CLDN10: variants seen among roughly 807,000 people sequenced by gnomAD.
CLDN10 encodes the protein claudin 10.
CLDN10 carries 15 observed loss-of-function variants against 22.9 expected under a neutral mutation model. That is an observed-to-expected ratio of 0.65 (90% CI 0.44 to 1.01). The LOEUF (loss-of-function observed/expected upper bound fraction) is 1.01, where lower values mean the gene tolerates loss of function less well. Among genes scored for constraint, CLDN10 ranks in the 50% least tolerant of loss-of-function variants. The pLI is 0.00. For missense variants in CLDN10, 247 were observed against 287.8 expected (o/e 0.86, Z 1.03); for synonymous variants, 114 against 111.4 (o/e 1.02, Z -0.15).
intron 1 of CLDN10, among the ~76,000 whole-genome samples, chr13:95,485,926 G>C (rs1438135078): frequency 6.6e-6 from 1 of 152,174 alleles, no homozygotes; most frequent in Non-Finnish European, 1.5e-5. Context: ...ATAAGGAAAA[G>C]CTGTCCAGAA....
intron 1 of CLDN10, among the ~76,000 whole-genome samples, chr13:95,499,887 A>C (rs2042967125): frequency 6.6e-6 from 1 of 152,196 alleles, no homozygotes. Flanking sequence ...GGCCACACAT[A>C]AAATACATGA....
intron 1 of CLDN10, among the ~76,000 whole-genome samples, chr13:95,490,479 C>A (rs2042861363): frequency 1.3e-5 from 2 of 152,140 alleles, no homozygotes; most frequent in Non-Finnish European, 2.9e-5. Flanking sequence ...TATTGTCATT[C>A]AGTTCAAAGA....
chr13:95,434,426 CCTCT>C (rs56066236), intron 1 of CLDN10, among the ~76,000 whole-genome samples: 24 of 147,398 alleles, frequency 1.6e-4, no homozygotes, highest in Admixed American at 2.7e-4. Flanking sequence ...TCCCTCTCTT[CCTCT>C]CTCTCTCTCT....
At chr13:95,468,973 T>C (rs2042604788) in intron 1 of CLDN10, among the ~76,000 whole-genome samples, 1 of 152,170 alleles carries the variant, frequency 6.6e-6, no homozygotes, top group Non-Finnish European at 1.5e-5. Context: ...AATAATGTAA[T>C]TTATTTTTCT....
intron 1 of CLDN10, among the ~76,000 whole-genome samples, chr13:95,538,153 CTTTTTTTTTT>C (rs1176533524): frequency 3.9e-4 from 26 of 66,802 alleles, no homozygotes; most frequent in Non-Finnish European, 4.7e-4. Context: ...CTGTTTATTT[CTTTTTTTTTT>C]TTTTTTTTTT....
At chr13:95,478,494 T>A (rs576688840) in intron 1 of CLDN10, among the ~76,000 whole-genome samples, 12 of 152,342 alleles carry the variant, frequency 7.9e-5, no homozygotes, top group African/African-American at 2.9e-4. Context: ...TATAATGTGC[T>A]GTACCAGGAC....
At chr13:95,460,305 G>A (rs1321224022) in intron 1 of CLDN10, among the ~76,000 whole-genome samples, 1 of 151,966 alleles carries the variant, frequency 6.6e-6, no homozygotes, top group Non-Finnish European at 1.5e-5. Context: ...CACATTTACA[G>A]GTATCTTTAT....
intron 1 of CLDN10, among the ~76,000 whole-genome samples, chr13:95,471,440 C>CATATATATATATAT (rs1555289814): frequency 9.6e-6 from 1 of 104,378 alleles, no homozygotes; most frequent in Non-Finnish European, 1.9e-5. Context: ...CACACACACA[C>CATATATATATATAT]ATATATATAT....
intron 1 of CLDN10, among the ~76,000 whole-genome samples, chr13:95,508,440 C>T (rs2043060642): frequency 6.6e-6 from 1 of 152,156 alleles, no homozygotes; most frequent in South Asian, 2.1e-4. Context: ...TCATATGTAC[C>T]CCTGTATTCT....
chr13:95,567,396 G>C (rs1409741827), intron 3 of CLDN10, among the ~76,000 whole-genome samples: 1 of 152,182 alleles, frequency 6.6e-6, no homozygotes, highest in African/African-American at 2.4e-5. Context: ...GTGAATGGGA[G>C]TTCACTCATG....
At chr13:95,454,922 C>T (rs1320021106) in intron 1 of CLDN10, among the ~76,000 whole-genome samples, 2 of 152,148 alleles carry the variant, frequency 1.3e-5, no homozygotes, top group Non-Finnish European at 1.5e-5. Flanking sequence ...CGTGGTGGCT[C>T]ATGCCTACAA....
At chr13:95,546,532 C>G (rs2043511312) in intron 1 of CLDN10, among the ~76,000 whole-genome samples, 1 of 152,140 alleles carries the variant, frequency 6.6e-6, no homozygotes, top group African/African-American at 2.4e-5. Context: ...AAATGAAGCA[C>G]TAGCTTATAG....
intron 1 of CLDN10, among the ~76,000 whole-genome samples, 184 bp from the exon 2 acceptor site, chr13:95,559,948 T>A (rs1050253701): frequency 7.9e-5 from 12 of 152,232 alleles, no homozygotes; most frequent in Admixed American, 3.3e-4. Context: ...TCACAGTGTG[T>A]GACCTAGAAT....
intron 3 of CLDN10, among the ~76,000 whole-genome samples, chr13:95,562,044 C>T (rs930234610): frequency 6.6e-6 from 1 of 151,948 alleles, no homozygotes; most frequent in Admixed American, 6.6e-5. Context: ...ATTCTCTTGC[C>T]TCAGCCTCCT....
intron 1 of CLDN10, chr13:95,479,784 C>T (rs2042724309): frequency 6.6e-6 from 1 of 152,320 alleles, no homozygotes; most frequent in East Asian, 1.9e-4. Context: ...AGGGTTTGAA[C>T]CCACATTGGC....
intron 1 of CLDN10, among the ~76,000 whole-genome samples, chr13:95,521,014 AT>A (rs1246974092): frequency 3.3e-5 from 5 of 152,134 alleles, no homozygotes; most frequent in Admixed American, 6.5e-5. Context: ...AATTCAATTA[AT>A]TTTTATATGT....
At chr13:95,436,277 G>A (rs555852116) in intron 1 of CLDN10, among the ~76,000 whole-genome samples, 91 of 152,102 alleles carry the variant, frequency 6.0e-4, no homozygotes, top group South Asian at 2.1e-4. Context: ...TCCACCTCCC[G>A]GGTTCAAGTG....
intron 1 of CLDN10, among the ~76,000 whole-genome samples, chr13:95,471,349 T>A (rs916924718): frequency 1.5e-5 from 2 of 131,628 alleles, no homozygotes; most frequent in African/African-American, 5.7e-5. Context: ...CTCTGACTTA[T>A]GGATATATAT....
chr13:95,533,400 A>C (rs181272869), intron 1 of CLDN10, among the ~76,000 whole-genome samples: 68 of 152,290 alleles, frequency 4.5e-4, no homozygotes, highest in African/African-American at 1.6e-3. Flanking sequence ...TGGGGAAAAC[A>C]AAAGTAGATT....
Sources: allele counts gnomAD v4.1 joint callset (sites outside exome capture counted in the v4.1 genomes callset), GRCh38; gene constraint gnomAD v4.1.1; transcripts MANE v1.5; gene names NCBI Gene and HGNC (gene_info 2026-07-23, HGNC 2026-07-21).